ZFPM2: variants seen among roughly 807,000 people sequenced by gnomAD.
The protein encoded by ZFPM2 is zinc finger protein ZFPM2.
In ZFPM2, 20 loss-of-function variants were observed where a neutral mutation model predicts 98.6. The ratio of observed to expected loss-of-function variants is 0.20; its 90% CI spans 0.14 to 0.29. The LOEUF (loss-of-function observed/expected upper bound fraction) is 0.29, where lower values mean the gene tolerates loss of function less well. Among genes scored for constraint, ZFPM2 ranks in the 10% least tolerant of loss-of-function variants. The pLI is 1.00. For missense variants in ZFPM2, 1,310 were observed against 1,388.6 expected, an observed-to-expected ratio of 0.94 and a Z score of 0.90; for synonymous variants, 518 against 502.7, an observed-to-expected ratio of 1.03 and a Z score of -0.41.
chr8:105,797,685 G>A (rs966459781), intron 6 of ZFPM2, among the ~76,000 whole-genome samples: 1 of 152,046 alleles, frequency 6.6e-6, no homozygotes, highest in Non-Finnish European at 1.5e-5. Flanking sequence ...TCCCTGAGCT[G>A]CCCATTTGAT....
At chr8:105,488,993 C>A (rs1359933238) in intron 3 of ZFPM2, among the ~76,000 whole-genome samples, 1 of 152,132 alleles carries the variant, frequency 6.6e-6, no homozygotes, top group Non-Finnish European at 1.5e-5. Context: ...GTTTTAATAT[C>A]ATAATGATAC....
intron 5 of ZFPM2, among the ~76,000 whole-genome samples, chr8:105,667,375 A>G (rs1817509993): frequency 2.6e-5 from 4 of 152,210 alleles, no homozygotes; most frequent in Admixed American, 6.5e-5. Context: ...CAGTGAACCA[A>G]TATCAATCAA....
In ZFPM2 at chr8:105,413,643, G is replaced by A. The variant is rs145671652; in HGVS notation, c.41-5501G>A. Reference sequence around the variant, plus strand: ...TTTGCCTGTCCATTCCTTTGTGTGAGTTGGACCTTTTGAAAAAGAGTTCAA... The same window carrying A: ...TTTGCCTGTCCATTCCTTTGTGTGAATTGGACCTTTTGAAAAAGAGTTCAA... On this transcript the variant is annotated intron_variant, in intron 1 of 7. Coordinates refer to ENST00000407775, the MANE Select transcript of ZFPM2 (RefSeq NM_012082.4). Among the ~76,000 whole-genome samples the A allele has an allele frequency of 1.1e-3, 162 of 151,566 alleles. 1 individual carries two copies. The East Asian group carries it at 0.029, about 27-fold the overall frequency.
rs200834568 is a variant in ZFPM2, at chr8:105,798,763, G to C, written c.779G>C (p.Arg260Pro). Reference sequence around the variant, plus strand: ...TGCAAGTCCTGTGGCATCTGGTATCGGAGTGAGCGGAATCTGCAGGCCCAT... The same window carrying C: ...TGCAAGTCCTGTGGCATCTGGTATCCGAGTGAGCGGAATCTGCAGGCCCAT... ...FPCKSCGIWY[R>P]SERNLQAHLM... The change falls in exon 7 of 8, where the codon CGG becomes CCG. Residue 260 changes from arginine (R) to proline (P), a missense_variant. Transcript: ENST00000407775. 1 of 1,613,854 alleles carries C rather than the reference G, an allele frequency of 6.2e-7. No homozygotes were observed.
intron 1 of ZFPM2, among the ~76,000 whole-genome samples, chr8:105,392,794 C>T (rs1183930907): frequency 6.6e-6 from 1 of 152,184 alleles, no homozygotes; most frequent in Non-Finnish European, 1.5e-5. Context: ...CAAATTGCTT[C>T]ACCCCTTTGA....
intron 6 of ZFPM2, among the ~76,000 whole-genome samples, chr8:105,790,291 G>A (rs2131140900): frequency 6.6e-6 from 1 of 151,012 alleles, no homozygotes; most frequent in East Asian, 1.9e-4. Flanking sequence ...TCCAGTTTCA[G>A]CTTTCTACAT....
In ZFPM2 at chr8:105,803,274, C is replaced by T; in HGVS notation, c.3192C>T (p.Ser1064=). The T allele has an allele frequency of 1.3e-6, 2 of 1,597,238 alleles. No homozygotes were observed. The highest frequency in any genetic ancestry group is 1.7e-6 in the Non-Finnish European group (2 of 1,171,092). Residue 1064 remains serine (S), a synonymous_variant, in exon 8 of 8, where the codon TCC becomes TCT. Coordinates refer to ENST00000407775, the MANE Select transcript of ZFPM2 (RefSeq NM_012082.4). ...CCAACCCACAGCAAGAGAACATTTC[C>T]CAGAATCCTCAGCACGAAGACGACC... The part of the protein sequence containing the change: ...PAANPQQENI[S]QNPQHEDDHK...
At position 105,547,757 on chromosome 8, in the gene ZFPM2, T is replaced by A. The variant is rs1231938596; in HGVS notation, c.302-13606T>A. On this transcript the variant is annotated intron_variant, in intron 3 of 7. Transcript: ENST00000407775. ...CAGATATACATAATTTCAAACATAATTTCTATCTTCTGATACAAAGATGTT... is the reference window on the plus strand; with the variant it reads ...CAGATATACATAATTTCAAACATAAATTCTATCTTCTGATACAAAGATGTT... Among the ~76,000 whole-genome samples the A allele has an allele frequency of 7.2e-5, 11 of 152,200 alleles. No individual in the cohort carries two copies. In the East Asian group the frequency reaches 2.1e-3, roughly 29 times the overall value.
At chr8:105,456,740 T>G (rs1166304204) in intron 3 of ZFPM2, among the ~76,000 whole-genome samples, 1 of 152,164 alleles carries the variant, frequency 6.6e-6, no homozygotes, top group African/African-American at 2.4e-5. Flanking sequence ...TGGCATGATC[T>G]CGGCTCACTG....
intron 3 of ZFPM2, among the ~76,000 whole-genome samples, chr8:105,555,502 G>GT (rs149846513): frequency 0.046 from 7,013 of 151,944 alleles, 528 homozygotes; most frequent in African/African-American, 0.16. Flanking sequence ...GAGATACGTC[G>GT]TATCATCAAG....
Position 105,370,124 on chromosome 8 carries a change from A to G in ZFPM2, c.41-49020A>G, listed in dbSNP as rs531961116. Among the ~76,000 whole-genome samples the G allele has an allele frequency of 1.6e-4, 25 of 152,288 alleles. No homozygotes were observed. In the East Asian group the frequency reaches 4.6e-3, roughly 28 times the overall value. On this transcript the variant is annotated intron_variant, in intron 1 of 7. Coordinates refer to ENST00000407775, the MANE Select transcript of ZFPM2 (RefSeq NM_012082.4). ...TATGAAGCACTAGGAAACCACTGAG[A>G]AACAACTCATTGAAATGACAGTGCA...
intron 5 of ZFPM2, among the ~76,000 whole-genome samples, chr8:105,767,009 C>T (rs749321370): frequency 6.6e-6 from 1 of 151,846 alleles, no homozygotes; most frequent in Non-Finnish European, 1.5e-5. Context: ...CTTATTCTGC[C>T]ATCAGTGAGA....
chr8:105,529,012 A>T (rs1814235063), intron 3 of ZFPM2: 1 of 152,176 alleles, frequency 6.6e-6, no homozygotes, highest in South Asian at 2.1e-4. Context: ...AGCTTCCATA[A>T]CAAGCCTACA....
chr8:105,544,829 A>G (rs553655504), intron 3 of ZFPM2, among the ~76,000 whole-genome samples: 23 of 152,324 alleles, frequency 1.5e-4, no homozygotes, highest in African/African-American at 5.0e-4. Flanking sequence ...TGGAGTGGTG[A>G]GAACTAAATT....
intron 2 of ZFPM2, among the ~76,000 whole-genome samples, chr8:105,426,961 C>CA (rs1176392400): frequency 2.6e-5 from 4 of 151,518 alleles, no homozygotes; most frequent in Non-Finnish European, 4.4e-5. Flanking sequence ...CACCTGAAAA[C>CA]AAAAAAATAG....
At chr8:105,342,083 G>C (rs1212815221) in intron 1 of ZFPM2, among the ~76,000 whole-genome samples, 1 of 152,028 alleles carries the variant, frequency 6.6e-6, no homozygotes, top group Non-Finnish European at 1.5e-5. Flanking sequence ...TGTCTTCTCA[G>C]ATAGGAATAG....
chr8:105,374,430 C>G (rs1810682519), intron 1 of ZFPM2, among the ~76,000 whole-genome samples: 1 of 151,072 alleles, frequency 6.6e-6, no homozygotes, highest in African/African-American at 2.4e-5. Flanking sequence ...GAGACAGGGT[C>G]TTGCTATTTC....
At chr8:105,363,063 A>C (rs1712195096) in intron 1 of ZFPM2, among the ~76,000 whole-genome samples, 1 of 152,166 alleles carries the variant, frequency 6.6e-6, no homozygotes. Context: ...AGTGATCAAG[A>C]ATGAACGTGT....
intron 3 of ZFPM2, among the ~76,000 whole-genome samples, chr8:105,476,289 G>A (rs1054266984): frequency 4.6e-5 from 7 of 152,158 alleles, no homozygotes; most frequent in African/African-American, 9.7e-5. Flanking sequence ...AGTGGCGGGC[G>A]AGTGAGCATT....
Sources: allele counts gnomAD v4.1 joint callset (sites outside exome capture counted in the v4.1 genomes callset), GRCh38; gene constraint gnomAD v4.1.1; transcripts MANE v1.5; gene names NCBI Gene and HGNC (gene_info 2026-07-23, HGNC 2026-07-21).